FAM149A: variants seen among roughly 807,000 people sequenced by gnomAD.
The protein encoded by FAM149A is family with sequence similarity 149 member A.
A neutral mutation model predicts 78.2 loss-of-function variants in FAM149A; 71 were observed. That is an observed-to-expected ratio of 0.91 (90% CI 0.75 to 1.11). FAM149A has a LOEUF of 1.11. Among genes scored for constraint, FAM149A ranks in the 50% least tolerant of loss-of-function variants. The pLI is 0.00. For synonymous variants in FAM149A, 446 were observed against 410.5 expected (o/e 1.09, Z -1.04); for missense variants, 1,036 against 971.0 (o/e 1.07, Z -0.89).
intron 8 of FAM149A, 33 bp downstream of exon 8, chr4:186,157,752 T>C: frequency 6.3e-7 from 1 of 1,586,202 alleles, no homozygotes; most frequent in Non-Finnish European, 8.6e-7. Context: ...CCCTCTTGCC[T>C]TCACTCTGTG....
chr4:186,123,291 A>G, intron 1 of FAM149A: 1 of 985,144 alleles, frequency 1.0e-6, no homozygotes, highest in Non-Finnish European at 1.2e-6. Flanking sequence ...TAGTTTATGT[A>G]GTTTATACAG....
chr4:186,110,788 C>A (rs2150078427), intron 1 of FAM149A, among the ~76,000 whole-genome samples: 1 of 149,074 alleles, frequency 6.7e-6, no homozygotes, highest in East Asian at 2.0e-4. Context: ...TTAATCCAGT[C>A]TATCATTGTT....
rs756089904 is a variant in FAM149A, at chr4:186,154,462, C to T, written c.1059-6C>T. ...CTCCCATGTAGAATCTGTTTTTTTCCCATAGGTTGTGCATTTCTGGCTCTC... is the reference window on the plus strand; with the variant it reads ...CTCCCATGTAGAATCTGTTTTTTTCTCATAGGTTGTGCATTTCTGGCTCTC... On this transcript the variant is annotated splice_polypyrimidine_tract_variant and splice_region_variant and intron_variant, in intron 5 of 13. Transcript: ENST00000389354. The T allele has an allele frequency of 6.2e-7, 1 of 1,602,536 alleles. No homozygotes were observed. Among genetic ancestry groups the T allele is most frequent in the Non-Finnish European group, 8.5e-7 (1 of 1,174,324 alleles).
At chr4:186,146,438 G>C in intron 1 of FAM149A, 2 of 984,924 alleles carry the variant, frequency 2.0e-6, no homozygotes, top group South Asian at 4.7e-5. Context: ...TGGGAAGCCT[G>C]GTCCTGGAAA....
At chr4:186,156,439 C>T (rs113309823) in intron 7 of FAM149A, among the ~76,000 whole-genome samples, 5,416 of 152,028 alleles carry the variant, frequency 0.036, 315 homozygotes, top group African/African-American at 0.12. Context: ...TTTGGGAGGC[C>T]GAGGCAGGTA....
intron 1 of FAM149A, chr4:186,109,037 A>T (rs186072726): frequency 8.9e-5 from 16 of 179,962 alleles, no homozygotes; most frequent in Admixed American, 2.6e-4. Flanking sequence ...TTAGTAGAGA[A>T]GGGGTTTCAC....
intron 1 of FAM149A, chr4:186,127,790 A>G (rs898794842): frequency 4.7e-6 from 2 of 425,748 alleles, no homozygotes; most frequent in Non-Finnish European, 6.3e-6. Flanking sequence ...AGTTCAAGCA[A>G]TTCTCCTGCC....
rs200494450 is a variant in FAM149A at position 186,149,617 on chromosome 4, C to T, written c.702C>T (p.Ala234=). 6 of 1,289,934 alleles carry T rather than the reference C, an allele frequency of 4.7e-6. No homozygotes were observed. The highest frequency in any genetic ancestry group is 6.1e-6 in the Non-Finnish European group (6 of 988,896). The allele number at this position is 1,289,934 out of a possible 1,614,324, so 79.9% of individuals were successfully genotyped here. ...GCGGAAGCCATACACCCACGGGAGC[C>T]CACACCTCTTGGTCTGGGTCGGCCA... The change falls in exon 3 of 14, where the codon GCC becomes GCT. Residue 234 remains alanine, a synonymous_variant. Coordinates refer to ENST00000389354, the MANE Select transcript of FAM149A (RefSeq NM_001367768.3).
intron 13 of FAM149A, among the ~76,000 whole-genome samples, chr4:186,169,038 T>G (rs1040356893): frequency 1.3e-5 from 2 of 152,114 alleles, no homozygotes; most frequent in East Asian, 3.9e-4. Flanking sequence ...ACGAGTTCAC[T>G]TTTGGGGATG....
intron 1 of FAM149A, among the ~76,000 whole-genome samples, chr4:186,132,763 T>C (rs1187258829): frequency 6.6e-6 from 1 of 152,218 alleles, no homozygotes; most frequent in Admixed American, 6.5e-5. Context: ...TGTGAAGATA[T>C]TGAACCTTTT....
intron 1 of FAM149A, among the ~76,000 whole-genome samples, chr4:186,141,123 G>T (rs1007786010): frequency 6.6e-6 from 1 of 152,182 alleles, no homozygotes; most frequent in Non-Finnish European, 1.5e-5. Flanking sequence ...TTATGTGATT[G>T]TTGGCCACAT....
At chr4:186,156,289 A>G in intron 7 of FAM149A, 99 bp downstream of exon 7, 1 of 845,504 alleles carries the variant, frequency 1.2e-6, no homozygotes, top group South Asian at 1.7e-5. Flanking sequence ...GAACGTGACC[A>G]GTGAGAAGAC....
intron 8 of FAM149A, among the ~76,000 whole-genome samples, chr4:186,161,702 TAAAAA>T (rs529102746): frequency 7.9e-5 from 12 of 151,330 alleles, no homozygotes; most frequent in Non-Finnish European, 1.8e-4. Flanking sequence ...GGATAAATGT[TAAAAA>T]AAAATAAGTG....
rs1225383179 is a variant in FAM149A at position 186,105,352 on chromosome 4, G to C, written c.276G>C (p.Gly92=). The change falls in exon 1 of 14, where the codon GGG becomes GGC. Residue 92 remains glycine, a synonymous_variant. Coordinates refer to ENST00000389354, the MANE Select transcript of FAM149A (RefSeq NM_001367768.3). ...CCAGCCGCGCCGCGGGAGCAGTGGG[G>C]ACCCTGCTCTCTTGGCCCAGTAGCC... is the stretch of plus-strand genomic sequence containing the variant. 8.5e-7 allele frequency: 1 copy of C among 1,180,044 alleles called. No individual in the cohort carries two copies. The highest frequency in any genetic ancestry group is 1.7e-5 in the African/African-American group (1 of 59,164). 73.1% of individuals were successfully genotyped at this position (1,180,044 alleles called of 1,614,324 possible).
At chr4:186,119,797 A>G (rs941066030) in intron 1 of FAM149A, among the ~76,000 whole-genome samples, 2 of 152,190 alleles carry the variant, frequency 1.3e-5, no homozygotes, top group African/African-American at 4.8e-5. Flanking sequence ...CATTTAATTC[A>G]ATTCCCTAGT....
intron 1 of FAM149A, among the ~76,000 whole-genome samples, chr4:186,111,786 T>G (rs2099311400): frequency 6.6e-6 from 1 of 151,276 alleles, no homozygotes. Context: ...CCATGCTGTT[T>G]TGGTTACTGT....
At chr4:186,160,822 G>C in intron 8 of FAM149A, 3 of 984,722 alleles carry the variant, frequency 3.0e-6, no homozygotes, top group Non-Finnish European at 3.6e-6. Flanking sequence ...ATGGGAGACA[G>C]TCTAGCTGAT....
At chr4:186,125,973 A>G (rs2126320864) in intron 1 of FAM149A, 7 of 985,398 alleles carry the variant, frequency 7.1e-6, no homozygotes, top group Non-Finnish European at 8.4e-6. Flanking sequence ...CGGAGGCTGG[A>G]TGACCTTCAC....
chr4:186,131,914 C>G, intron 1 of FAM149A: 1 of 985,448 alleles, frequency 1.0e-6, no homozygotes, highest in Non-Finnish European at 1.2e-6. Context: ...TGACCCCAAA[C>G]AAGCTTTGTA....
Sources: allele counts gnomAD v4.1 joint callset (sites outside exome capture counted in the v4.1 genomes callset), GRCh38; gene constraint gnomAD v4.1.1; transcripts MANE v1.5; gene names NCBI Gene and HGNC (gene_info 2026-07-23, HGNC 2026-07-21).